The following GOT1L1 variants were observed in gnomAD, a reference collection of about 807,000 sequenced individuals.
GOT1L1 encodes the protein aspartate aminotransferase, cytoplasmic 2.
Under a neutral mutation model 43.6 loss-of-function variants are expected in GOT1L1, and 38 were observed. That is an observed-to-expected ratio of 0.87 (90% CI 0.67 to 1.14). The LOEUF is 1.14. Ranked by LOEUF, GOT1L1 falls within the 50% of genes most tolerant of loss-of-function variation. The probability of loss-of-function intolerance (pLI) is 0.00; values close to 1 mark genes in which losing one functional copy is unlikely to be tolerated. For synonymous variants in GOT1L1, 183 were observed against 187.2 expected (o/e 0.98, Z 0.18); for missense variants, 482 against 504.0 (o/e 0.96, Z 0.42).
At position 37,937,646 on chromosome 8, in the gene GOT1L1, G is replaced by A; in HGVS notation, c.401C>T (p.Ser134Phe). The change falls in exon 3 of 9, where the codon TCT becomes TTT. Residue 134 changes from serine to phenylalanine, a missense_variant. Transcript: ENST00000307599. The stretch of plus-strand genomic sequence containing the variant: ...TCTTGGGTAAGACTAACCTTTTTGA[G>A]AAGAGATGATGTAAACTATACGAGC... ...KDARIVYIIS[S>F]QKELHGLVFQ... The A allele has an allele frequency of 2.5e-6, 4 of 1,606,452 alleles. No individual in the cohort carries two copies. The highest frequency in any genetic ancestry group is 3.4e-6 in the Non-Finnish European group (4 of 1,175,074).
intron 8 of GOT1L1, 172 bp downstream of exon 8, chr8:37,934,901 G>T (rs912221840): frequency 1.4e-6 from 1 of 692,460 alleles, no homozygotes; most frequent in Admixed American, 2.9e-5. Context: ...GAAGGATAGG[G>T]AGTGTCGGTA....
intron 7 of GOT1L1, among the ~76,000 whole-genome samples, chr8:37,935,444 C>T (rs1436684604): frequency 2.0e-5 from 3 of 152,194 alleles, no homozygotes. Flanking sequence ...TCTCTTATCT[C>T]CCCAAGCAAT....
chr8:37,939,796 A>G lies in GOT1L1; in HGVS notation c.115+119T>C, dbSNP rs191092794. On this transcript the variant is annotated intron_variant, in intron 1 of 8. Coordinates refer to ENST00000307599, the MANE Select transcript of GOT1L1 (RefSeq NM_152413.3). Reference sequence around the variant, plus strand: ...ACTGGGTAATTCTGTTAACAAGAAAAGATCTCTCCACCCACAGAAGCTTGG... The same window carrying G: ...ACTGGGTAATTCTGTTAACAAGAAAGGATCTCTCCACCCACAGAAGCTTGG... 60 of 949,798 alleles carry G rather than the reference A, an allele frequency of 6.3e-5. No individual in the cohort carries two copies. In the Middle Eastern group the frequency reaches 6.7e-4, roughly 11 times the overall value. The allele number at this position is 949,798 out of a possible 1,614,324, so 58.8% of individuals were successfully genotyped here. A position where few individuals can be genotyped will look rare whatever the true frequency, so the allele number is the denominator to read the frequency against.
intron 8 of GOT1L1, chr8:37,934,861 C>T: frequency 1.6e-6 from 1 of 608,134 alleles, no homozygotes; most frequent in Non-Finnish European, 2.8e-6. Context: ...CAGGCATGAG[C>T]CACTGCACCG....
intron 6 of GOT1L1, 117 bp downstream of exon 6, chr8:37,936,603 G>C: frequency 2.2e-6 from 2 of 889,206 alleles, no homozygotes; most frequent in Non-Finnish European, 3.4e-6. Flanking sequence ...TGCTTCTATA[G>C]TGCTCTCCCT....
At position 37,940,025 on chromosome 8, in the gene GOT1L1, G is replaced by A. The variant is rs983604805; in HGVS notation, c.5C>T (p.Pro2Leu). The A allele has an allele frequency of 2.5e-6, 4 of 1,612,536 alleles. No individual in the cohort carries two copies. The African/African-American group carries it at 4.0e-5, about 16-fold the overall frequency. Residue 2 changes from proline (P) to leucine (L), a missense_variant, in exon 1 of 9, where the codon CCC becomes CTC. Transcript: ENST00000307599. ...CACATCCATGAACACTGAAAGGGTGGGCATAACTGAAACGAAACTGGAGCC... is the reference window on the plus strand; with the variant it reads ...CACATCCATGAACACTGAAAGGGTGAGCATAACTGAAACGAAACTGGAGCC... The part of the protein sequence containing the change: M[P>L]TLSVFMDVPL...
chr8:37,939,102 T>C (rs989514702), intron 1 of GOT1L1: 3 of 454,156 alleles, frequency 6.6e-6, no homozygotes, highest in African/African-American at 2.0e-5. Flanking sequence ...AACTGAAACC[T>C]ATGCCATTTT....
intron 8 of GOT1L1, among the ~76,000 whole-genome samples, 167 bp from the exon 9 acceptor site, chr8:37,934,653 C>A (rs1807696660): frequency 6.6e-6 from 1 of 152,138 alleles, no homozygotes; most frequent in Non-Finnish European, 1.5e-5. Context: ...TCACTGCAAC[C>A]TTCGCCTCCC....
rs1807765115 is a variant in GOT1L1 at position 37,936,712 on chromosome 8, T to C, written c.763+8A>G. On this transcript the variant is annotated splice_region_variant and intron_variant, in intron 6 of 8. Transcript: ENST00000307599. ...AACAGACCCTCCCTTCTTCTGCCTG[T>C]ACCATACCATAAATGCCAAAATTCT... The C allele has an allele frequency of 3.1e-6, 5 of 1,608,436 alleles. No homozygotes were observed. The highest frequency in any genetic ancestry group is 4.3e-6 in the Non-Finnish European group (5 of 1,175,478).
intron 8 of GOT1L1, 44 bp downstream of exon 8, chr8:37,935,029 G>A: frequency 1.2e-6 from 2 of 1,609,546 alleles, no homozygotes; most frequent in Non-Finnish European, 1.7e-6. Flanking sequence ...TCAAATACAG[G>A]CCAAAGGTCA....
chr8:37,937,167 C>A, intron 4 of GOT1L1, 110 bp from the exon 5 acceptor site: 1 of 1,262,442 alleles, frequency 7.9e-7, no homozygotes, highest in Non-Finnish European at 1.1e-6. Flanking sequence ...AAGGGCCAGG[C>A]AAATTCAAAC....
rs1420067511 is a variant in GOT1L1, at chr8:37,939,981, C to G, written c.49G>C (p.Glu17Gln). ...FMDVPLAHKL[E>Q]GSLLKTYKQD... ...TTGTAGGTCTTTAACAAGCTGCCCTCTAGCTTGTGGGCGAGGGGCACATCC... is the reference window on the plus strand; with the variant it reads ...TTGTAGGTCTTTAACAAGCTGCCCTGTAGCTTGTGGGCGAGGGGCACATCC... The change falls in exon 1 of 9, where the codon GAG becomes CAG. Residue 17 changes from glutamate to glutamine, a missense_variant. By Grantham distance (29) the Glu-to-Gln change is conservative. Coordinates refer to ENST00000307599, the MANE Select transcript of GOT1L1 (RefSeq NM_152413.3). The G allele has an allele frequency of 2.5e-6, 4 of 1,613,492 alleles. No individual in the cohort carries two copies. The African/African-American group carries it at 5.3e-5, about 22-fold the overall frequency.
Position 37,938,780 on chromosome 8 carries a change from T to C in GOT1L1, c.217A>G (p.Thr73Ala), listed in dbSNP as rs1420802195. 6.2e-7 allele frequency: 1 copy of C among 1,612,442 alleles called. No homozygotes were observed. Among genetic ancestry groups the C allele is most frequent in the Non-Finnish European group, 8.5e-7 (1 of 1,179,292 alleles). ...DPSLNYEYLP[T>A]MGLKSFIQAS... ...TGGATGAATGATTTCAGGCCCATGGTGGGCAAGTACTCATAATTCAGGGAG... is the reference window on the plus strand; with the variant it reads ...TGGATGAATGATTTCAGGCCCATGGCGGGCAAGTACTCATAATTCAGGGAG... Residue 73 changes from threonine (T) to alanine (A), a missense_variant, in exon 2 of 9, where the codon ACC becomes GCC. Thr to Ala is a moderately conservative substitution (Grantham distance 58, BLOSUM62 0). Coordinates refer to ENST00000307599, the MANE Select transcript of GOT1L1 (RefSeq NM_152413.3).
intron 8 of GOT1L1, 148 bp from the exon 9 acceptor site, chr8:37,934,634 A>T (rs1807696284): frequency 5.9e-6 from 4 of 672,952 alleles, no homozygotes; most frequent in Non-Finnish European, 1.0e-5. Context: ...TCAATGGTGC[A>T]ATCTTGGCTC....
rs1265554609 is a variant in GOT1L1 at position 37,939,934 on chromosome 8, C to CT, written c.95dup (p.Ile33AspfsTer6). ...ATCTACCTCTATAGGCTAAGAATAT[C>CT]TTGTTCGGGTAATCATCTTGTTTGT... On this transcript the variant is annotated frameshift_variant, in exon 1 of 9. Coordinates refer to ENST00000307599, the MANE Select transcript of GOT1L1 (RefSeq NM_152413.3). LOFTEE classifies it high-confidence loss of function. 1 of 1,613,506 alleles carries CT rather than the reference C, an allele frequency of 6.2e-7. No homozygotes were observed. The highest frequency in any genetic ancestry group is 8.5e-7 in the Non-Finnish European group (1 of 1,179,568).
In GOT1L1 at chr8:37,937,746, C is replaced by T. The variant is rs765414369; in HGVS notation, c.301G>A (p.Gly101Arg). Residue 101 changes from glycine (G) to arginine (R), a missense_variant, in exon 3 of 9, where the codon GGG (glycine) becomes AGG (arginine). By Grantham distance (125) the Gly-to-Arg change is moderately radical (BLOSUM62 -2). Transcript: ENST00000307599. Reference protein sequence around the residue: ...HSQAIVENRVGGVHTVGDSGA... With the variant: ...HSQAIVENRVRGVHTVGDSGA... ...CTGTCACCAACAGTGTGTACACCCC[C>T]TACCTGCCAGCAAGACATAGACACA... The T allele has an allele frequency of 8.1e-6, 13 of 1,609,668 alleles. No individual in the cohort carries two copies. The highest frequency in any genetic ancestry group is 1.1e-5 in the Non-Finnish European group (13 of 1,177,568).
Position 37,935,123 on chromosome 8 carries a change from C to G in GOT1L1, c.1022G>C (p.Trp341Ser), listed in dbSNP as rs750714644. ...CCCACTCTGCTCGGTGATGTGACCC[C>G]AGGACCCAGGGGTTCCCAGGAGCTG... is the stretch of plus-strand genomic sequence containing the variant. ...KLQLLGTPGS[W>S]GHITEQSGTH... The change falls in exon 8 of 9, where the codon TGG (tryptophan) becomes TCG (serine). Residue 341 changes from tryptophan to serine, a missense_variant. Physicochemically the swap from Trp to Ser is radical, Grantham distance 177. Transcript: ENST00000307599. The G allele has an allele frequency of 6.2e-7, 1 of 1,613,784 alleles. No individual in the cohort carries two copies. Among genetic ancestry groups the G allele is most frequent in the Admixed American group, 1.7e-5 (1 of 59,980 alleles).
intron 1 of GOT1L1, 79 bp downstream of exon 1, chr8:37,939,836 C>A: frequency 7.1e-7 from 1 of 1,406,296 alleles, no homozygotes; most frequent in South Asian, 1.3e-5. Flanking sequence ...CACCCCTCCC[C>A]CTGCAGCAGG....
chr8:37,939,064 G>A (rs1003692827), intron 1 of GOT1L1, 183 bp from the exon 2 acceptor site: 1 of 557,556 alleles, frequency 1.8e-6, no homozygotes, highest in Non-Finnish European at 3.2e-6. Flanking sequence ...TAGTGAATGT[G>A]TATTATTTTT....
Sources: gnomAD v4.1 joint callset for allele counts (sites outside exome capture counted in the v4.1 genomes callset) on GRCh38, gnomAD v4.1.1 for gene constraint, MANE v1.5 for transcripts, NCBI Gene and HGNC (gene_info 2026-07-23, HGNC 2026-07-21) for gene names.